RIMBP2: variants seen among roughly 807,000 people sequenced by gnomAD.
RIMBP2 encodes the protein RIMS-binding protein 2.
A neutral mutation model predicts 118.6 loss-of-function variants in RIMBP2; 48 were observed. The observed-to-expected ratio is 0.40, with a 90% confidence interval of 0.32 to 0.51. The LOEUF is 0.51. RIMBP2 is among the 20% of genes least tolerant of loss of function. The pLI is 0.41. For synonymous variants in RIMBP2, 762 were observed against 742.9 expected, an observed-to-expected ratio of 1.03 and a Z score of -0.42; for missense variants, 1,551 against 1,768.3, an observed-to-expected ratio of 0.88 and a Z score of 2.20.
chr12:130,430,816 A>T (rs909785256), intron 14 of RIMBP2, among the ~76,000 whole-genome samples: 1 of 151,912 alleles, frequency 6.6e-6, no homozygotes, highest in African/African-American at 2.4e-5. Context: ...TTTTTAGTGG[A>T]GACGGAGTTT....
At chr12:130,616,542 G>A (rs1221573576) in intron 2 of RIMBP2, among the ~76,000 whole-genome samples, 1 of 152,192 alleles carries the variant, frequency 6.6e-6, no homozygotes, top group Non-Finnish European at 1.5e-5. Context: ...TAAGAGCTAA[G>A]GAAACTGAGG....
intron 3 of RIMBP2, among the ~76,000 whole-genome samples, chr12:130,513,671 G>C (rs2051151051): frequency 6.6e-6 from 1 of 152,160 alleles, no homozygotes; most frequent in African/African-American, 2.4e-5. Context: ...CCTCCCACAA[G>C]GCTGCCTGCC....
intron 1 of RIMBP2, among the ~76,000 whole-genome samples, chr12:130,657,505 C>A (rs1473870861): frequency 6.6e-6 from 1 of 152,200 alleles, no homozygotes; most frequent in Non-Finnish European, 1.5e-5. Flanking sequence ...ATTCTCATAA[C>A]TAAACTGATA....
chr12:130,554,282 G>A (rs1283259950), intron 2 of RIMBP2, among the ~76,000 whole-genome samples: 1 of 152,118 alleles, frequency 6.6e-6, no homozygotes. Context: ...GGGCTTTTCT[G>A]GGGCCTAAAT....
At chr12:130,432,140 T>C (rs7966010) in intron 14 of RIMBP2, 354,979 of 442,574 alleles carry the variant, frequency 0.8, 144,062 homozygotes, top group Non-Finnish European at 0.86. Context: ...GGGTTTGTAA[T>C]CTGAGCAGAT....
At chr12:130,613,122 A>G (rs888716045) in intron 2 of RIMBP2, among the ~76,000 whole-genome samples, 1 of 152,216 alleles carries the variant, frequency 6.6e-6, no homozygotes, top group Admixed American at 6.5e-5. Flanking sequence ...GTCCTTTGGA[A>G]AGTCGCATCT....
At chr12:130,501,445 C>A (rs1365260846) in intron 4 of RIMBP2, among the ~76,000 whole-genome samples, 1 of 152,198 alleles carries the variant, frequency 6.6e-6, no homozygotes, top group Non-Finnish European at 1.5e-5. Flanking sequence ...GGGGGTTGGA[C>A]TCTGGACCAC....
intron 1 of RIMBP2, among the ~76,000 whole-genome samples, chr12:130,632,714 A>G (rs1035282319): frequency 2.6e-5 from 4 of 152,220 alleles, no homozygotes; most frequent in African/African-American, 7.2e-5. Context: ...CATGTGAAGT[A>G]TGTTAATTAT....
At chr12:130,404,374 C>A (rs959424943) in intron 21 of RIMBP2, among the ~76,000 whole-genome samples, 2 of 152,182 alleles carry the variant, frequency 1.3e-5, no homozygotes, top group East Asian at 1.9e-4. Flanking sequence ...CTCAGCTCAC[C>A]GCAACCTCCA....
intron 3 of RIMBP2, among the ~76,000 whole-genome samples, chr12:130,516,904 A>G (rs2051523255): frequency 6.6e-6 from 1 of 152,194 alleles, no homozygotes. Flanking sequence ...CAGGCCAGTT[A>G]GGAAATGGCT....
chr12:130,419,041 G>A lies in RIMBP2; in HGVS notation c.3238+3412C>T, dbSNP rs148632924. ...GTATGTGAATAAAATCAGCGTATGCGGTGACTCCACCGTATGTTCTTCCAG... is the reference window on the plus strand; with the variant it reads ...GTATGTGAATAAAATCAGCGTATGCAGTGACTCCACCGTATGTTCTTCCAG... On this transcript the variant is annotated intron_variant, in intron 17 of 22. Transcript: ENST00000690449. The surrounding 1 kb of genome is among the most constrained non-coding windows in gnomAD (Gnocchi z 4.3). Among the ~76,000 whole-genome samples the A allele has an allele frequency of 4.9e-4, 75 of 152,232 alleles. No homozygotes were observed. The highest frequency in any genetic ancestry group is 1.4e-3 in the African/African-American group (59 of 41,524).
intron 2 of RIMBP2, among the ~76,000 whole-genome samples, chr12:130,521,085 A>C (rs527889521): frequency 1.3e-5 from 2 of 152,252 alleles, no homozygotes; most frequent in East Asian, 3.9e-4. Flanking sequence ...GGAAATCAGA[A>C]AATGCCTACC....
intron 1 of RIMBP2, among the ~76,000 whole-genome samples, chr12:130,646,293 G>C (rs188791354): frequency 0.03 from 251 of 8,260 alleles, 29 homozygotes; most frequent in Admixed American, 0.044. Flanking sequence ...CTCACCACCT[G>C]CCTCTCCACC....
intron 2 of RIMBP2, among the ~76,000 whole-genome samples, chr12:130,542,772 A>G (rs1352026661): frequency 6.6e-6 from 1 of 152,230 alleles, no homozygotes; most frequent in Non-Finnish European, 1.5e-5. Flanking sequence ...AATGAATTCC[A>G]TTCAGTGGGA....
chr12:130,606,462 A>C (rs551483975), intron 2 of RIMBP2, among the ~76,000 whole-genome samples: 28 of 152,312 alleles, frequency 1.8e-4, no homozygotes, highest in African/African-American at 6.7e-4. Context: ...GCAAGGAGGC[A>C]GGTCTTTAGG....
At position 130,581,065 on chromosome 12, in the gene RIMBP2, C is replaced by T. The variant is rs1023279419; in HGVS notation, c.-217+47257G>A. 6.6e-6 allele frequency among the ~76,000 whole-genome samples: 1 copy of T among 152,160 alleles called. No individual in the cohort carries two copies. Among genetic ancestry groups the T allele is most frequent in the Non-Finnish European group, 1.5e-5 (1 of 68,034 alleles). On this transcript the variant is annotated intron_variant, in intron 2 of 22. Transcript: ENST00000690449. This position sits in a 1 kb window ranked among gnomAD's most constrained non-coding sequence, Gnocchi z 4.4. ...GTGCACTGAGGCAGGGGCCTCGTGG[C>T]CGCACCCTCATCCTGCCCTTCACCT...
chr12:130,621,118 C>T lies in RIMBP2; in HGVS notation c.-217+7204G>A, dbSNP rs1195135883. Among the ~76,000 whole-genome samples the T allele has an allele frequency of 6.6e-6, 1 of 152,200 alleles. No homozygotes were observed. Among genetic ancestry groups the T allele is most frequent in the African/African-American group, 2.4e-5 (1 of 41,448 alleles). ...CATTTTTTTACCAGCACCCTGGGAG[C>T]TGGTCATTCCTACGTGGAAAGTGAC... On this transcript the variant is annotated intron_variant, in intron 2 of 22. Coordinates refer to ENST00000690449, the MANE Select transcript of RIMBP2 (RefSeq NM_001393629.1). This position sits in a 1 kb window ranked among gnomAD's most constrained non-coding sequence, Gnocchi z 6.6.
chr12:130,684,770 G>C (rs2064964927), intron 1 of RIMBP2, among the ~76,000 whole-genome samples: 1 of 152,156 alleles, frequency 6.6e-6, no homozygotes, highest in South Asian at 2.1e-4. Flanking sequence ...ATCTCCCCAT[G>C]ATCTTTTTTT....
At chr12:130,458,452 C>T (rs2079651217) in intron 6 of RIMBP2, among the ~76,000 whole-genome samples, 1 of 152,088 alleles carries the variant, frequency 6.6e-6, no homozygotes, top group Non-Finnish European at 1.5e-5. Flanking sequence ...GCAGGGCTTG[C>T]AGGGGCTCTG....
Sources: gnomAD v4.1 joint callset for allele counts (sites outside exome capture counted in the v4.1 genomes callset) on GRCh38, gnomAD v4.1.1 for gene constraint, Gnocchi (gnomAD v3.1) non-coding constraint, MANE v1.5 for transcripts, NCBI Gene and HGNC (gene_info 2026-07-23, HGNC 2026-07-21) for gene names.